The following DOCK1 variants were observed in gnomAD, a reference collection of about 807,000 sequenced individuals.
DOCK1 encodes dedicator of cytokinesis protein 1.
Under a neutral mutation model 262.7 loss-of-function variants are expected in DOCK1, and 138 were observed. The observed-to-expected ratio is 0.53, with a 90% CI of 0.46 to 0.61. The LOEUF (loss-of-function observed/expected upper bound fraction) is 0.61, where lower values mean the gene tolerates loss of function less well. Ranked by LOEUF, DOCK1 falls within the 20% of genes least tolerant of loss-of-function variation. The probability of loss-of-function intolerance (pLI) is 0.00; values close to 1 mark genes in which losing one functional copy is unlikely to be tolerated. For missense variants in DOCK1, 1,908 were observed against 2,370.7 expected (o/e 0.80, Z 4.05); for synonymous variants, 866 against 867.4 (o/e 1.00, Z 0.03).
At chr10:127,113,613 C>T (rs1026346627) in intron 25 of DOCK1, among the ~76,000 whole-genome samples, 1 of 152,132 alleles carries the variant, frequency 6.6e-6, no homozygotes, top group Non-Finnish European at 1.5e-5. Flanking sequence ...TGTTTCTGGC[C>T]TTGTTTTCCC....
At chr10:127,266,969 A>C (rs1259840186) in intron 29 of DOCK1, among the ~76,000 whole-genome samples, 1 of 152,132 alleles carries the variant, frequency 6.6e-6, no homozygotes, top group Non-Finnish European at 1.5e-5. Context: ...ACCCAGAGAA[A>C]CACATGAGAC....
intron 25 of DOCK1, among the ~76,000 whole-genome samples, chr10:127,111,480 T>G (rs766879700): frequency 1.3e-5 from 2 of 152,136 alleles, no homozygotes; most frequent in Non-Finnish European, 2.9e-5. Context: ...CACATGACGC[T>G]CCATTGAGCT....
rs375042511 is a variant in DOCK1, at chr10:126,998,127, C to G, written c.645C>G (p.Ala215=). The change falls in exon 8 of 52, where the codon GCC becomes GCG. Residue 215 remains alanine (A), a synonymous_variant. Transcript: ENST00000623213. The stretch of plus-strand genomic sequence containing the variant: ...AGAACATAGATATTAACAGACAAGC[C>G]AAGTTTGCTGCAACCCCTTCTCTGG... ...QKQNIDINRQ[A]KFAATPSLAL... is the part of the protein sequence containing the mutation. The G allele has an allele frequency of 4.3e-6, 7 of 1,613,902 alleles. No individual in the cohort carries two copies. Among genetic ancestry groups the G allele is most frequent in the Non-Finnish European group, 5.9e-6 (7 of 1,179,914 alleles).
chr10:127,420,896 A>AGTTTGTTTGTTTGTTT (rs111799630), intron 46 of DOCK1, among the ~76,000 whole-genome samples: 4 of 117,228 alleles, frequency 3.4e-5, no homozygotes, highest in African/African-American at 9.4e-5. Context: ...CACCGTGAGC[A>AGTTTGTTTGTTTGTTT]GTTTATTTGT....
chr10:127,276,939 T>G (rs370457646), intron 29 of DOCK1, among the ~76,000 whole-genome samples: 1 of 145,702 alleles, frequency 6.9e-6, no homozygotes, highest in East Asian at 1.9e-4. Context: ...CCAGTCAGTG[T>G]GCACAGAGCT....
chr10:127,430,106 G>A lies in DOCK1; in HGVS notation c.4915-3177G>A, dbSNP rs376000230. On this transcript the variant is annotated intron_variant, in intron 47 of 51. Coordinates refer to ENST00000623213, the MANE Select transcript of DOCK1 (RefSeq NM_001290223.2). ...CAACACCCGCTGGCCACCCAGACCC[G>A]GGAGAGAACCAGGAGTCACCCTTCC... Among the ~76,000 whole-genome samples, 23 of 152,050 alleles carry A rather than the reference G, an allele frequency of 1.5e-4. No homozygotes were observed. The East Asian group carries it at 3.5e-3, about 23-fold the overall frequency.
At chr10:127,272,370 A>T (rs540195022) in intron 29 of DOCK1, among the ~76,000 whole-genome samples, 3 of 152,298 alleles carry the variant, frequency 2.0e-5, no homozygotes, top group South Asian at 2.1e-4. Context: ...GCTCTTCTTC[A>T]TGCTCAAACC....
chr10:127,088,377 G>A (rs1409526674), intron 23 of DOCK1, among the ~76,000 whole-genome samples: 1 of 152,138 alleles, frequency 6.6e-6, no homozygotes, highest in Admixed American at 6.6e-5. Flanking sequence ...CCGTGCTTGT[G>A]TTAGATATAC....
At chr10:127,030,342 G>A (rs913500486) in intron 16 of DOCK1, among the ~76,000 whole-genome samples, 1 of 152,124 alleles carries the variant, frequency 6.6e-6, no homozygotes, top group African/African-American at 2.4e-5. Flanking sequence ...TTCCTCATCT[G>A]TCCTGGCTTA....
chr10:127,162,907 C>T, intron 27 of DOCK1, among the ~76,000 whole-genome samples: 1 of 152,140 alleles, frequency 6.6e-6, no homozygotes. Context: ...ACCTTTGTTT[C>T]CAAAATGAAG....
At position 127,451,691 on chromosome 10, in the gene DOCK1, C is replaced by G. The variant is rs2070982799; in HGVS notation, c.*264C>G. 3.2e-6 allele frequency: 2 copies of G among 625,834 alleles called. No individual in the cohort carries two copies. The highest frequency in any genetic ancestry group is 4.5e-5 in the South Asian group (2 of 44,648). The allele number at this position is 625,834 out of a possible 1,614,324, so 38.8% of individuals were successfully genotyped here. A position where few individuals can be genotyped will look rare whatever the true frequency, so the allele number is the denominator to read the frequency against. ...GTTGGGGGCCTCTGAGTGTGTCTGGCTCTGAGAGAGTCTGAGTCTTGCCCA... is the reference window on the plus strand; with the variant it reads ...GTTGGGGGCCTCTGAGTGTGTCTGGGTCTGAGAGAGTCTGAGTCTTGCCCA... On this transcript the variant is annotated 3_prime_UTR_variant, in exon 52 of 52. Transcript: ENST00000623213.
intron 27 of DOCK1, among the ~76,000 whole-genome samples, chr10:127,131,475 A>T (rs1161874929): frequency 6.6e-6 from 1 of 152,230 alleles, no homozygotes; most frequent in Admixed American, 6.5e-5. Context: ...AGTGATGACA[A>T]CATCAAGATG....
intron 12 of DOCK1, chr10:127,015,268 T>C (rs1730392612): frequency 6.6e-6 from 1 of 152,014 alleles, no homozygotes; most frequent in Non-Finnish European, 1.5e-5. Flanking sequence ...TCTCTGTCTA[T>C]GTGGCCTCTC....
At position 127,032,184 on chromosome 10, in the gene DOCK1, C is replaced by A. The variant is rs765258056; in HGVS notation, c.1776C>A (p.Pro592=). Residue 592 remains proline (P), a synonymous_variant, in exon 18 of 52, where the codon CCC becomes CCA. Coordinates refer to ENST00000623213, the MANE Select transcript of DOCK1 (RefSeq NM_001290223.2). ...LEDAATYLSL[P]STKAELEEKG... ...ATGCTGCCACGTACTTGAGTCTGCC[C>A]TCCACGAAGGCAGAGTTGGAAGAAA... 6.3e-7 allele frequency: 1 copy of A among 1,598,912 alleles called. No individual in the cohort carries two copies. Among genetic ancestry groups the A allele is most frequent in the Admixed American group, 1.7e-5 (1 of 57,864 alleles).
intron 29 of DOCK1, among the ~76,000 whole-genome samples, chr10:127,294,643 T>A: frequency 7.5e-6 from 1 of 133,508 alleles, no homozygotes; most frequent in African/African-American, 3.1e-5. Flanking sequence ...TTCATGTGAG[T>A]TGTCCTATTT....
Position 127,012,212 on chromosome 10 carries a change from G to T in DOCK1, c.1059-20G>T. 1 of 1,368,032 alleles carries T rather than the reference G, an allele frequency of 7.3e-7. No homozygotes were observed. Among genetic ancestry groups the T allele is most frequent in the South Asian group, 1.2e-5 (1 of 85,666 alleles). The allele number at this position is 1,368,032 out of a possible 1,614,324, so 84.7% of individuals were successfully genotyped here. ...GTGCCCCTTTGTCTCCTGTGGTCTTGGTCGTCCCGTGCCCTCCAGGCTCGC... is the reference window on the plus strand; with the variant it reads ...GTGCCCCTTTGTCTCCTGTGGTCTTTGTCGTCCCGTGCCCTCCAGGCTCGC... On this transcript the variant is annotated intron_variant, in intron 11 of 51. Transcript: ENST00000623213. The surrounding 1 kb of genome is among the most constrained non-coding windows in gnomAD (Gnocchi z 4.0).
Position 127,354,877 on chromosome 10 carries a change from T to C in DOCK1, c.3283+150T>C, listed in dbSNP as rs2064063810. ...TTGCTACTCTTTGTAGTAACTGTTT[T>C]CAGGAATTAAGAGATAGAAGACCAA... is the stretch of plus-strand genomic sequence containing the variant. On this transcript the variant is annotated intron_variant, in intron 32 of 51. Coordinates refer to ENST00000623213, the MANE Select transcript of DOCK1 (RefSeq NM_001290223.2). 3 of 1,000,610 alleles carry C rather than the reference T, an allele frequency of 3.0e-6. No individual in the cohort carries two copies. The East Asian group carries it at 7.5e-5, about 25-fold the overall frequency. The allele number at this position is 1,000,610 out of a possible 1,614,324, so 62.0% of individuals were successfully genotyped here.
At chr10:127,210,747 T>C (rs2057937869) in intron 27 of DOCK1, among the ~76,000 whole-genome samples, 1 of 152,174 alleles carries the variant, frequency 6.6e-6, no homozygotes, top group Non-Finnish European at 1.5e-5. Flanking sequence ...GTTTTCCTTT[T>C]CTGAGGGTTC....
chr10:126,917,920 A>G (rs2032695909), intron 1 of DOCK1, among the ~76,000 whole-genome samples: 1 of 152,164 alleles, frequency 6.6e-6, no homozygotes, highest in Non-Finnish European at 1.5e-5. Context: ...GAACCCCTAA[A>G]GCAGATTCTG....
Sources: allele counts gnomAD v4.1 joint callset (sites outside exome capture counted in the v4.1 genomes callset), GRCh38; gene constraint gnomAD v4.1.1; non-coding constraint Gnocchi (gnomAD v3.1); transcripts MANE v1.5; gene names NCBI Gene and HGNC (gene_info 2026-07-23, HGNC 2026-07-21).